TAF2: variants seen among roughly 807,000 people sequenced by gnomAD.
TAF2 encodes TATA-box binding protein associated factor 2, also known as transcription initiation factor TFIID subunit 2.
In TAF2, 61 loss-of-function variants were observed where a neutral mutation model predicts 138.5. That is an observed-to-expected ratio of 0.44 (90% CI 0.36 to 0.54). The LOEUF (loss-of-function observed/expected upper bound fraction) is 0.54. Ranked by LOEUF, TAF2 falls within the 20% of genes least tolerant of loss-of-function variation. The pLI is 0.00. For synonymous variants in TAF2, 475 were observed against 469.9 expected (o/e 1.01, Z -0.14); for missense variants, 1,090 against 1,427.9 (o/e 0.76, Z 3.81).
chr8:119,759,643 A>G (rs1465371890), intron 20 of TAF2, among the ~76,000 whole-genome samples: 3 of 152,166 alleles, frequency 2.0e-5, no homozygotes, highest in South Asian at 2.1e-4. Context: ...TTTGACAGGC[A>G]TAATTATTCA....
At chr8:119,826,624 C>T (rs1361956336) in intron 2 of TAF2, among the ~76,000 whole-genome samples, 1 of 150,296 alleles carries the variant, frequency 6.7e-6, no homozygotes, top group Non-Finnish European at 1.5e-5. Context: ...GGGTTTCACT[C>T]TTGTTGTCCA....
intron 18 of TAF2, among the ~76,000 whole-genome samples, chr8:119,768,677 G>A (rs1821615850): frequency 6.6e-6 from 1 of 152,182 alleles, no homozygotes; most frequent in Non-Finnish European, 1.5e-5. Flanking sequence ...TAGGTCCATC[G>A]GGTCTGAGCT....
chr8:119,760,145 AT>A (rs559737306), intron 20 of TAF2, among the ~76,000 whole-genome samples: 14 of 152,180 alleles, frequency 9.2e-5, no homozygotes, highest in Middle Eastern at 3.4e-3. Context: ...TTAAAAAAAA[AT>A]ATGTGTATTC....
At chr8:119,761,835 C>T (rs1326383020) in intron 19 of TAF2, 1 of 150,898 alleles carries the variant, frequency 6.6e-6, no homozygotes, top group Non-Finnish European at 1.5e-5. Context: ...TCCCAAAACT[C>T]AAAGTTTCAA....
intron 18 of TAF2, among the ~76,000 whole-genome samples, chr8:119,776,347 CTTTTT>C (rs35600902): frequency 1.5e-5 from 2 of 134,556 alleles, no homozygotes; most frequent in Non-Finnish European, 3.2e-5. Context: ...CATGCCTGTG[CTTTTT>C]TTTTTTTTTT....
intron 17 of TAF2, among the ~76,000 whole-genome samples, chr8:119,779,153 GTAT>G (rs1822466807): frequency 1.3e-5 from 2 of 151,676 alleles, no homozygotes; most frequent in South Asian, 4.2e-4. Flanking sequence ...TCCACTAGAA[GTAT>G]TATCAGAAAG....
chr8:119,767,465 C>T (rs1186927275), intron 18 of TAF2, among the ~76,000 whole-genome samples: 1 of 152,126 alleles, frequency 6.6e-6, no homozygotes, highest in Admixed American at 6.5e-5. Flanking sequence ...TTCCACACTC[C>T]TACTAAGAAC....
chr8:119,751,188 T>C (rs1820325176), intron 22 of TAF2, among the ~76,000 whole-genome samples: 1 of 152,168 alleles, frequency 6.6e-6, no homozygotes, highest in African/African-American at 2.4e-5. Context: ...CAGGATCACA[T>C]ATATTCTGAA....
chr8:119,762,619 G>A lies in TAF2; in HGVS notation c.2365-11C>T. 1 of 1,607,082 alleles carries A rather than the reference G, an allele frequency of 6.2e-7. No homozygotes were observed. The highest frequency in any genetic ancestry group is 1.1e-5 in the South Asian group (1 of 89,644). On this transcript the variant is annotated splice_polypyrimidine_tract_variant and intron_variant, in intron 18 of 25. Coordinates refer to ENST00000378164, the MANE Select transcript of TAF2 (RefSeq NM_003184.4). The stretch of plus-strand genomic sequence containing the variant: ...ATAGTTATCTGAAAACTAGGCCAAA[G>A]AAAAATTAAGTGAAGATAACAAAAT...
chr8:119,819,555 A>G (rs368971576), intron 2 of TAF2, 49 bp from the exon 3 acceptor site: 54 of 1,472,594 alleles, frequency 3.7e-5, no homozygotes, highest in African/African-American at 5.5e-5. Context: ...GGTATGTTTC[A>G]GAATATATTT....
intron 2 of TAF2, among the ~76,000 whole-genome samples, chr8:119,831,215 A>G (rs1826425815): frequency 6.6e-6 from 1 of 152,222 alleles, no homozygotes; most frequent in African/African-American, 2.4e-5. Context: ...GGGGAGGTAG[A>G]GGGTTTCTAG....
Position 119,749,319 on chromosome 8 carries a change from C to G in TAF2, c.2879-2385G>C, listed in dbSNP as rs998429135. Among the ~76,000 whole-genome samples, 7 of 152,174 alleles carry G rather than the reference C, an allele frequency of 4.6e-5. No homozygotes were observed. In the South Asian group the frequency reaches 1.2e-3, roughly 27 times the overall value. On this transcript the variant is annotated intron_variant, in intron 22 of 25. Coordinates refer to ENST00000378164, the MANE Select transcript of TAF2 (RefSeq NM_003184.4). ...AATTTGGACAAAGGAATGAACACCACTGTTTTGTTCCTAAGGGAGGTTCTT... is the reference window on the plus strand; with the variant it reads ...AATTTGGACAAAGGAATGAACACCAGTGTTTTGTTCCTAAGGGAGGTTCTT...
intron 21 of TAF2, 67 bp from the exon 22 acceptor site, chr8:119,756,182 A>T: frequency 9.3e-7 from 1 of 1,078,584 alleles, no homozygotes; most frequent in Non-Finnish European, 1.4e-6. Flanking sequence ...GTAGGAGACA[A>T]CATAAACACT....
intron 17 of TAF2, 76 bp downstream of exon 17, chr8:119,780,977 C>T (rs909947172): frequency 1.7e-6 from 2 of 1,187,918 alleles, no homozygotes; most frequent in Admixed American, 4.8e-5. Context: ...AAAGTAAACA[C>T]ATCTATTATT....
chr8:119,778,715 G>C (rs932454863), intron 17 of TAF2, among the ~76,000 whole-genome samples: 32 of 152,052 alleles, frequency 2.1e-4, no homozygotes, highest in Non-Finnish European at 4.4e-4. Context: ...CTCAACCTAA[G>C]GACAAAATGG....
At chr8:119,795,203 A>G (rs571774339) in intron 9 of TAF2, among the ~76,000 whole-genome samples, 1 of 152,314 alleles carries the variant, frequency 6.6e-6, no homozygotes, top group East Asian at 1.9e-4. Flanking sequence ...CCTTAAACAG[A>G]GACTTGGAAA....
chr8:119,801,212 AC>A (rs1407461664), intron 6 of TAF2, among the ~76,000 whole-genome samples: 3 of 152,220 alleles, frequency 2.0e-5, no homozygotes, highest in Non-Finnish European at 4.4e-5. Context: ...AAAATTAGTT[AC>A]AGAAATCTAC....
intron 1 of TAF2, 35 bp downstream of exon 1, chr8:119,832,446 AC>A: frequency 6.2e-7 from 1 of 1,605,130 alleles, no homozygotes. Context: ...TGGCAACAAA[AC>A]CAAAAGGAAG....
chr8:119,733,765 A>G (rs1819033965), intron 25 of TAF2, among the ~76,000 whole-genome samples: 1 of 149,846 alleles, frequency 6.7e-6, no homozygotes, highest in African/African-American at 2.4e-5. Context: ...ATTCTCATAA[A>G]TATCTCTTAA....
Sources: allele counts gnomAD v4.1 joint callset (sites outside exome capture counted in the v4.1 genomes callset), GRCh38; gene constraint gnomAD v4.1.1; transcripts MANE v1.5; gene names NCBI Gene and HGNC (gene_info 2026-07-23, HGNC 2026-07-21).